Variants in DDX11 observed in about 807,000 individuals in gnomAD.
DDX11 encodes DEAD/H-box helicase 11.
Under a neutral mutation model 125.2 loss-of-function variants are expected in DDX11, and 72 were observed. The observed-to-expected ratio is 0.58, with a 90% CI of 0.48 to 0.70. The LOEUF (loss-of-function observed/expected upper bound fraction) is 0.70. Among genes scored for constraint, DDX11 ranks in the 30% least tolerant of loss-of-function variants. The probability of loss-of-function intolerance (pLI) is 0.00; values close to 1 mark genes in which losing one functional copy is unlikely to be tolerated. For synonymous variants in DDX11, 347 were observed against 452.6 expected (o/e 0.77, Z 2.96); for missense variants, 883 against 1,165.0 (o/e 0.76, Z 3.52).
chr12:31,082,811 T>C (rs938415916), intron 2 of DDX11, among the ~76,000 whole-genome samples: 16 of 152,166 alleles, frequency 1.1e-4, no homozygotes, highest in Non-Finnish European at 2.1e-4. Context: ...GATCAAGGTG[T>C]CAGCATGCTT....
Position 31,096,752 on chromosome 12 carries a change from C to A in DDX11, c.1630+7C>A. On this transcript the variant is annotated splice_region_variant and intron_variant, in intron 16 of 26. Coordinates refer to ENST00000542838, the MANE Select transcript of DDX11 (RefSeq NM_030653.4). The stretch of plus-strand genomic sequence containing the variant: ...CAGCCCAGGACGACTGAAGGTGAGG[C>A]AGGAGGGTGGGCAGGCAGAGCCGGC... 3.1e-6 allele frequency: 5 copies of A among 1,614,192 alleles called. No homozygotes were observed. The highest frequency in any genetic ancestry group is 4.2e-6 in the Non-Finnish European group (5 of 1,180,034).
intron 9 of DDX11, among the ~76,000 whole-genome samples, chr12:31,090,831 C>T: frequency 6.6e-6 from 1 of 152,190 alleles, no homozygotes; most frequent in East Asian, 1.9e-4. Context: ...ACCAGCATAC[C>T]TGCTGAGCTG....
At position 31,084,080 on chromosome 12, in the gene DDX11, G is replaced by C. The variant is rs573820581; in HGVS notation, c.393+19G>C. On this transcript the variant is annotated intron_variant, in intron 3 of 26. Coordinates refer to ENST00000542838, the MANE Select transcript of DDX11 (RefSeq NM_030653.4). ...ACTAAAGGTGAGACCTGGGGTATCC[G>C]GAAGTGGGAGTACTGGAGGAAACAG... 12 of 1,613,326 alleles carry C rather than the reference G, an allele frequency of 7.4e-6. No individual in the cohort carries two copies. The Admixed American group carries it at 2.0e-4, about 27-fold the overall frequency.
rs527489147 is a variant in DDX11, at chr12:31,093,495, A to C, written c.1369+171A>C. On this transcript the variant is annotated intron_variant, in intron 12 of 26. Transcript: ENST00000542838. The stretch of plus-strand genomic sequence containing the variant: ...CTTGGGAGGCCGAGGCAGGTGGTTC[A>C]CCTGAGGTTAGGAGTTTTGAGACCA... 6.7e-5 allele frequency: 56 copies of C among 838,270 alleles called. No homozygotes were observed. The African/African-American group carries it at 7.0e-4, about 10-fold the overall frequency. The allele number at this position is 838,270 out of a possible 1,614,324, so 51.9% of individuals were successfully genotyped here.
chr12:31,089,107 C>G lies in DDX11; in HGVS notation c.748C>G (p.Pro250Ala). The G allele has an allele frequency of 6.2e-7, 1 of 1,613,966 alleles. No individual in the cohort carries two copies. Among genetic ancestry groups the G allele is most frequent in the Admixed American group, 1.7e-5 (1 of 60,018 alleles). Residue 250 changes from proline to alanine, a missense_variant, in exon 7 of 27, where the codon CCC (proline) becomes GCC (alanine). Around this residue, in one of 5 missense-constraint regions of DDX11, gnomAD observed 283 missense variants for 359.6 expected, o/e 0.79. Coordinates refer to ENST00000542838, the MANE Select transcript of DDX11 (RefSeq NM_030653.4). ...AQFVHEVKKSPFGKDVRLVSL... is the reference protein window; with the variant it reads ...AQFVHEVKKSAFGKDVRLVSL... Reference sequence around the variant, plus strand: ...GTTTGTGCATGAGGTGAAGAAGAGCCCCTTTGGCAAGGATGTTCGGCTGGT... The same window carrying G: ...GTTTGTGCATGAGGTGAAGAAGAGCGCCTTTGGCAAGGATGTTCGGCTGGT...
At chr12:31,078,156 C>T in intron 1 of DDX11, 2 of 1,429,018 alleles carry the variant, frequency 1.4e-6, no homozygotes, top group Non-Finnish European at 1.9e-6. Flanking sequence ...TAGGGGCTTT[C>T]CTGGTCTGCA....
Position 31,089,461 on chromosome 12 carries a change from G to T in DDX11, c.851G>T (p.Arg284Leu). ...GGTTCTGTGCAGCTTATCAACGACC[G>T]CTGTGTGGACATGCAGAGAAGCAGG... ...SLGSVQLIND[R>L]CVDMQRSRHE... The change falls in exon 8 of 27, where the codon CGC becomes CTC. Residue 284 changes from arginine to leucine, a missense_variant. By Grantham distance (102) the Arg-to-Leu change is moderately radical. Around this residue, in one of 5 missense-constraint regions of DDX11, gnomAD observed 283 missense variants for 359.6 expected, o/e 0.79. Coordinates refer to ENST00000542838, the MANE Select transcript of DDX11 (RefSeq NM_030653.4). 1.9e-6 allele frequency: 3 copies of T among 1,613,840 alleles called. No individual in the cohort carries two copies. Among genetic ancestry groups the T allele is most frequent in the East Asian group, 2.2e-5 (1 of 44,882 alleles).
rs759797718 is a variant in DDX11, at chr12:31,091,650, A to G, written c.1090-69A>G. The G allele has an allele frequency of 7.6e-4, 1,141 of 1,511,124 alleles. 1 individual carries two copies. The highest frequency in any genetic ancestry group is 9.5e-4 in the Non-Finnish European group (1,059 of 1,111,244). 93.6% of individuals were successfully genotyped at this position (1,511,124 alleles called of 1,614,324 possible). A position where few individuals can be genotyped will look rare whatever the true frequency, so the allele number is the denominator to read the frequency against. ...ATAGAAGCACTCACATCAGGAGCTC[A>G]GTGTCAGGCAGGCAAGGCTCCTGCA... is the stretch of plus-strand genomic sequence containing the variant. On this transcript the variant is annotated intron_variant, in intron 9 of 26. Transcript: ENST00000542838.
In DDX11 at chr12:31,089,425, T is replaced by C; in HGVS notation, c.815T>C (p.Val272Ala). ...CAGAACCTTTGTGTAAATGAAGACG[T>C]GAAAAGCCTAGGTTCTGTGCAGCTT... ...SRQNLCVNED[V>A]KSLGSVQLIN... is the part of the protein sequence containing the mutation. The change falls in exon 8 of 27, where the codon GTG becomes GCG. Residue 272 changes from valine (V) to alanine (A), a missense_variant. Val to Ala is a moderately conservative substitution (Grantham distance 64). This residue lies in a region of DDX11 where 283 missense variants were observed against 359.6 expected (regional missense o/e 0.79). Transcript: ENST00000542838. 1.2e-6 allele frequency: 2 copies of C among 1,613,984 alleles called. No homozygotes were observed. Among genetic ancestry groups the C allele is most frequent in the Non-Finnish European group, 1.7e-6 (2 of 1,179,856 alleles).
At chr12:31,089,666 G>A in intron 8 of DDX11, 176 bp downstream of exon 8, 1 of 1,112,274 alleles carries the variant, frequency 9.0e-7, no homozygotes, top group African/African-American at 1.6e-5. Context: ...GTCAGTGTCT[G>A]GTCCGAATCC....
Position 31,103,024 on chromosome 12 carries a change from A to G in DDX11, c.2457+4A>G. 6.2e-7 allele frequency: 1 copy of G among 1,613,368 alleles called. No homozygotes were observed. ...GGCCTACTTGGATCAAACCCTCGTG[A>G]GTGACCCCAGTGTCACAGAGGGTGA... On this transcript the variant is annotated splice_donor_region_variant and intron_variant, in intron 24 of 26. Transcript: ENST00000542838.
chr12:31,098,980 A>G (rs1945832995), intron 18 of DDX11, among the ~76,000 whole-genome samples: 1 of 151,986 alleles, frequency 6.6e-6, no homozygotes, highest in Admixed American at 6.6e-5. Context: ...TTAGAAGTCA[A>G]GCTGTGGGTG....
Position 31,096,348 on chromosome 12 carries a change from G to A in DDX11, c.1490G>A (p.Arg497Gln), listed in dbSNP as rs1221152082. The change falls in exon 15 of 27, where the codon CGA (arginine) becomes CAA (glutamine). Residue 497 changes from arginine to glutamine, a missense_variant. Coordinates refer to ENST00000542838, the MANE Select transcript of DDX11 (RefSeq NM_030653.4). ...IDNINLFKVQ[R>Q]YCEKSMISRK... ...TGGGCTTGGTTTTTGCAGGTGCAGC[G>A]ATACTGTGAGAAGAGCATGATCAGC... 1.1e-5 allele frequency: 17 copies of A among 1,612,344 alleles called. No homozygotes were observed. The Admixed American group carries it at 1.5e-4, about 14-fold the overall frequency.
At position 31,101,677 on chromosome 12, in the gene DDX11, C is replaced by T. The variant is rs1023040969; in HGVS notation, c.2053-156C>T. 1.8e-5 allele frequency: 17 copies of T among 943,104 alleles called. No homozygotes were observed. The East Asian group carries it at 3.3e-4, about 18-fold the overall frequency. 58.4% of individuals were successfully genotyped at this position (943,104 alleles called of 1,614,324 possible). A position where few individuals can be genotyped will look rare whatever the true frequency, so the allele number is the denominator to read the frequency against. On this transcript the variant is annotated intron_variant, in intron 20 of 26. Coordinates refer to ENST00000542838, the MANE Select transcript of DDX11 (RefSeq NM_030653.4). ...TGGTGGGAGGTGGCACCTACCACCC[C>T]GTGGTTCCCACCCAGGGGAGCCAAG...
chr12:31,083,312 T>TTAAAAAAAA (rs1555209754), intron 2 of DDX11, among the ~76,000 whole-genome samples: 2 of 128,942 alleles, frequency 1.6e-5, no homozygotes, highest in African/African-American at 6.0e-5. Flanking sequence ...TTAGTTTGCT[T>TTAAAAAAAA]AAAAAAAAAA....
intron 2 of DDX11, among the ~76,000 whole-genome samples, chr12:31,078,754 C>A (rs1203257811): frequency 6.7e-6 from 1 of 149,228 alleles, no homozygotes; most frequent in Non-Finnish European, 1.5e-5. Context: ...GTGGGACGAT[C>A]TCGGCTCACT....
At chr12:31,100,336 C>G in intron 18 of DDX11, 1 of 302,176 alleles carries the variant, frequency 3.3e-6, no homozygotes, top group Non-Finnish European at 6.3e-6. Context: ...TGGGCTGGGG[C>G]CTGGCCATGT....
rs1946859065 is a variant in DDX11, at chr12:31,103,984, C to T, written c.*148C>T. ...TGGAGTCCAGAGTGCTGCCAGGACC[C>T]AGGCACAGGCGTTAGCTCCCGTAGG... On this transcript the variant is annotated 3_prime_UTR_variant, in exon 27 of 27. Transcript: ENST00000542838. The T allele has an allele frequency of 8.3e-6, 13 of 1,570,126 alleles. No homozygotes were observed. The highest frequency in any genetic ancestry group is 1.0e-5 in the Non-Finnish European group (12 of 1,158,568).
chr12:31,102,343 A>G (rs1374059171), intron 22 of DDX11, 32 bp downstream of exon 22: 1 of 1,612,148 alleles, frequency 6.2e-7, no homozygotes, highest in Non-Finnish European at 8.5e-7. Flanking sequence ...TGGGTCTGAG[A>G]TCGTGTGGGG....
Sources: allele counts gnomAD v4.1 joint callset (sites outside exome capture counted in the v4.1 genomes callset), GRCh38; gene constraint gnomAD v4.1.1; regional missense constraint gnomAD v4.1.1; transcripts MANE v1.5; gene names NCBI Gene and HGNC (gene_info 2026-07-23, HGNC 2026-07-21).